Variants in DERPC observed in about 807,000 individuals in gnomAD.
The protein encoded by DERPC is decreased expression in renal and prostate cancer protein.
Under a neutral mutation model 7.2 loss-of-function variants are expected in DERPC, and 1 was observed. That is an observed-to-expected ratio of 0.14 (90% CI 0.05 to 0.66). The LOEUF (loss-of-function observed/expected upper bound fraction) is 0.66. Among genes scored for constraint, DERPC ranks in the 30% least tolerant of loss-of-function variants. DERPC has a pLI of 0.84. For synonymous variants in DERPC, 185 were observed against 117.6 expected (o/e 1.57, Z -3.71); for missense variants, 502 against 299.4 (o/e 1.68, Z -4.99).
chr16:69,128,754 T>C (rs543492539), intron 1 of DERPC, among the ~76,000 whole-genome samples: 8 of 152,052 alleles, frequency 5.3e-5, no homozygotes, highest in Non-Finnish European at 8.8e-5. Context: ...CTCTCTCTTT[T>C]GAAATTAGTA....
intron 1 of DERPC, among the ~76,000 whole-genome samples, chr16:69,122,259 A>G (rs1961727870): frequency 6.6e-6 from 1 of 152,238 alleles, no homozygotes; most frequent in South Asian, 2.1e-4. Context: ...TGCAAAACTA[A>G]TTAAGATCAC....
chr16:69,121,509 A>G lies in DERPC; in HGVS notation c.-279-16T>C, dbSNP rs768246430. The G allele has an allele frequency of 1.8e-5, 27 of 1,520,804 alleles. 1 individual carries two copies. The Admixed American group carries it at 4.6e-4, about 26-fold the overall frequency. The allele number at this position is 1,520,804 out of a possible 1,614,324, so 94.2% of individuals were successfully genotyped here. The stretch of plus-strand genomic sequence containing the variant: ...TGAAAACAAGCTGTAGAGAGAAAAA[A>G]AGAGATTTAGGGTAATAACAACAAC... On this transcript the variant is annotated splice_polypyrimidine_tract_variant and intron_variant, in intron 1 of 2. Transcript: ENST00000519520.
intron 1 of DERPC, among the ~76,000 whole-genome samples, chr16:69,123,727 T>C (rs2152268772): frequency 6.6e-6 from 1 of 152,276 alleles, no homozygotes; most frequent in Non-Finnish European, 1.5e-5. Context: ...AGCTGACTTC[T>C]GATGTGATTC....
chr16:69,118,388 C>G lies in DERPC; in HGVS notation c.*466G>C. 6.2e-7 allele frequency: 1 copy of G among 1,612,836 alleles called. No homozygotes were observed. Among genetic ancestry groups the G allele is most frequent in the South Asian group, 1.1e-5 (1 of 91,056 alleles). On this transcript the variant is annotated 3_prime_UTR_variant, in exon 3 of 3. Coordinates refer to ENST00000519520, the MANE Select transcript of DERPC (RefSeq NM_001002847.4). ...GAAAGGTATGGCAGTAGAGGATGAC[C>G]AGGTCCAAGCTGCCCAGGTCAGAGC...
rs2152263147 is a variant in DERPC at position 69,118,139 on chromosome 16, ATTCC to A, written c.*711_*714del. 1 of 341,256 alleles carries A rather than the reference ATTCC, an allele frequency of 2.9e-6. No individual in the cohort carries two copies. The highest frequency in any genetic ancestry group is 5.4e-6 in the Non-Finnish European group (1 of 185,694). The allele number at this position is 341,256 out of a possible 1,614,324, so 21.1% of individuals were successfully genotyped here. Reference sequence around the variant, plus strand: ...CCCTTCATCCCCCACCCCCACCCTAATTCCCATATTCCCATCCACATCAGTTTAA... The same window carrying A: ...CCCTTCATCCCCCACCCCCACCCTAACATATTCCCATCCACATCAGTTTAA... On this transcript the variant is annotated 3_prime_UTR_variant, in exon 3 of 3. Transcript: ENST00000519520.
rs1961554758 is a variant in DERPC, at chr16:69,120,385, C to T, written c.44G>A (p.Trp15Ter). Residue 15 changes from tryptophan (W) to a stop codon, truncating the protein, a stop_gained, in exon 3 of 3, where the codon TGG (tryptophan) becomes TAG (stop). Transcript: ENST00000519520. LOFTEE classifies it high-confidence loss of function. This position sits in a 1 kb window ranked among gnomAD's most constrained non-coding sequence, Gnocchi z 4.0. ...TCGAGGTGGCAGCGGAGCACGAGTC[C>T]AAGGAGTTGGCCGCTCTCTAGGGAA... ...RIFPRERPTP[W>*]TRAPLPPRGR... 6.2e-7 allele frequency: 1 copy of T among 1,601,412 alleles called. No homozygotes were observed.
intron 1 of DERPC, among the ~76,000 whole-genome samples, chr16:69,131,811 C>A (rs1347281979): frequency 1.3e-5 from 2 of 151,866 alleles, no homozygotes; most frequent in Non-Finnish European, 2.9e-5. Context: ...AAGTACTCCA[C>A]TCCTCCAGGA....
At chr16:69,127,303 CAG>C (rs1567593373) in intron 1 of DERPC, among the ~76,000 whole-genome samples, 1 of 149,544 alleles carries the variant, frequency 6.7e-6, no homozygotes, top group African/African-American at 2.5e-5. Flanking sequence ...TGAGAGTAGA[CAG>C]AGTGAGTAGA....
chr16:69,130,219 T>C (rs564301895), intron 1 of DERPC, among the ~76,000 whole-genome samples: 1 of 152,190 alleles, frequency 6.6e-6, no homozygotes, highest in African/African-American at 2.4e-5. Flanking sequence ...ACCGAACATA[T>C]GGCTTATAGC....
At chr16:69,127,601 C>CTTTTTT (rs71383961) in intron 1 of DERPC, among the ~76,000 whole-genome samples, 18 of 104,388 alleles carry the variant, frequency 1.7e-4, no homozygotes, top group African/African-American at 3.1e-4. Context: ...CTCCCGGCAA[C>CTTTTTT]TTTTTTTTTT....
At chr16:69,129,378 C>T (rs1410254388) in intron 1 of DERPC, among the ~76,000 whole-genome samples, 12 of 144,740 alleles carry the variant, frequency 8.3e-5, no homozygotes, top group East Asian at 2.0e-4. Flanking sequence ...TGCAGTGAGC[C>T]GACATCACGC....
rs1278230637 is a variant in DERPC at position 69,119,126 on chromosome 16, C to T, written c.1303G>A (p.Gly435Ser). The T allele has an allele frequency of 1.4e-6, 1 of 703,042 alleles. No individual in the cohort carries two copies. Among genetic ancestry groups the T allele is most frequent in the Admixed American group, 2.0e-5 (1 of 50,024 alleles). The allele number at this position is 703,042 out of a possible 1,614,324, so 43.6% of individuals were successfully genotyped here. The change falls in exon 3 of 3, where the codon GGC (glycine) becomes AGC (serine). Residue 435 changes from glycine to serine, a missense_variant. Coordinates refer to ENST00000519520, the MANE Select transcript of DERPC (RefSeq NM_001002847.4). ...CTGGGGAAAGTAACTTGACCAGGGC[C>T]TAATGGGCCAGTAGACCTTGGGAAG... ...TTFPRSTGPLGPGQVTFPRPA... is the reference protein window; with the variant it reads ...TTFPRSTGPLSPGQVTFPRPA...
At chr16:69,130,135 C>G (rs1394314425) in intron 1 of DERPC, among the ~76,000 whole-genome samples, 1 of 152,184 alleles carries the variant, frequency 6.6e-6, no homozygotes, top group Non-Finnish European at 1.5e-5. Flanking sequence ...GAGAACAGAA[C>G]AGCCTGAGCA....
At chr16:69,130,661 A>G (rs1962432760) in intron 1 of DERPC, among the ~76,000 whole-genome samples, 1 of 152,240 alleles carries the variant, frequency 6.6e-6, no homozygotes, top group Non-Finnish European at 1.5e-5. Context: ...ATGAATGTAA[A>G]GCTTTTAGCA....
intron 1 of DERPC, among the ~76,000 whole-genome samples, chr16:69,122,917 G>A (rs569352406): frequency 6.6e-6 from 1 of 151,798 alleles, no homozygotes; most frequent in South Asian, 2.1e-4. Flanking sequence ...GACCTCAGGT[G>A]ATCCACCCAC....
At chr16:69,124,950 G>A (rs1338405976) in intron 1 of DERPC, among the ~76,000 whole-genome samples, 2 of 151,886 alleles carry the variant, frequency 1.3e-5, no homozygotes, top group African/African-American at 4.8e-5. Flanking sequence ...TGTTGCCCAG[G>A]CTGGAGTGCA....
chr16:69,121,540 A>AT, intron 1 of DERPC, 47 bp from the exon 2 acceptor site: 1 of 1,189,722 alleles, frequency 8.4e-7, no homozygotes, highest in South Asian at 1.4e-5. Flanking sequence ...ACAACAACTA[A>AT]TAATGACACC....
At chr16:69,122,859 AG>A (rs1961781251) in intron 1 of DERPC, among the ~76,000 whole-genome samples, 1 of 150,762 alleles carries the variant, frequency 6.6e-6, no homozygotes, top group Admixed American at 6.6e-5. Context: ...TGTTATTTTT[AG>A]TAGAGATGGG....
At chr16:69,126,667 A>G (rs1310931229) in intron 1 of DERPC, among the ~76,000 whole-genome samples, 1 of 152,254 alleles carries the variant, frequency 6.6e-6, no homozygotes, top group African/African-American at 2.4e-5. Context: ...AGGAACTTAC[A>G]GACTGCTCTG....
Sources: gnomAD v4.1 joint callset for allele counts (sites outside exome capture counted in the v4.1 genomes callset) on GRCh38, gnomAD v4.1.1 for gene constraint, Gnocchi (gnomAD v3.1) non-coding constraint, MANE v1.5 for transcripts, NCBI Gene and HGNC (gene_info 2026-07-23, HGNC 2026-07-21) for gene names.